The following PHACTR3 variants were observed in gnomAD, a reference collection of about 807,000 sequenced individuals.
The protein encoded by PHACTR3 is protein phosphatase 1, regulatory subunit 123.
In PHACTR3, 16 loss-of-function variants were observed where a neutral mutation model predicts 66.8. The observed-to-expected ratio is 0.24, with a 90% confidence interval of 0.16 to 0.36. The LOEUF (loss-of-function observed/expected upper bound fraction) is 0.36, where lower values mean the gene tolerates loss of function less well. PHACTR3 is among the 10% of genes least tolerant of loss of function. The pLI, the probability that PHACTR3 is intolerant of heterozygous loss-of-function variation, is 1.00. For missense variants in PHACTR3, 647 were observed against 719.9 expected (o/e 0.90, Z 1.16); for synonymous variants, 323 against 292.1 (o/e 1.11, Z -1.08).
At chr20:59,732,751 A>T (rs2038812834) in intron 1 of PHACTR3, among the ~76,000 whole-genome samples, 1 of 152,094 alleles carries the variant, frequency 6.6e-6, no homozygotes, top group Admixed American at 6.5e-5. Context: ...TTCTGCTTCC[A>T]TTTTTGTATC....
chr20:59,751,255 G>A (rs1367465390), intron 3 of PHACTR3, among the ~76,000 whole-genome samples: 6 of 152,174 alleles, frequency 3.9e-5, no homozygotes, highest in Non-Finnish European at 7.3e-5. Flanking sequence ...TGGCAGGGAC[G>A]AATCTGCAGC....
chr20:59,720,134 T>G (rs917051593), intron 1 of PHACTR3, among the ~76,000 whole-genome samples: 2 of 152,154 alleles, frequency 1.3e-5, no homozygotes, highest in South Asian at 2.1e-4. Flanking sequence ...CCAGTTACCT[T>G]GCGGTGTGGC....
Position 59,755,279 on chromosome 20 carries a change from C to A in PHACTR3, c.456C>A (p.Ala152=). 6.2e-7 allele frequency: 1 copy of A among 1,613,722 alleles called. No homozygotes were observed. Among genetic ancestry groups the A allele is most frequent in the African/African-American group, 1.3e-5 (1 of 75,060 alleles). The change falls in exon 4 of 13, where the codon GCC becomes GCA. Residue 152 remains alanine, a synonymous_variant. Coordinates refer to ENST00000371015, the MANE Select transcript of PHACTR3 (RefSeq NM_080672.5). Reference sequence around the variant, plus strand: ...CGGAGACGCTGACTTCAGAAGATGCCCAGCCCGGAAGCCCCTTGGCCACTG... The same window carrying A: ...CGGAGACGCTGACTTCAGAAGATGCACAGCCCGGAAGCCCCTTGGCCACTG... The part of the protein sequence containing the change: ...PKSETLTSED[A]QPGSPLATGT...
At chr20:59,603,255 C>T (rs1475135368), upstream of PHACTR3, among the ~76,000 whole-genome samples, 1 of 152,144 alleles carries the variant, frequency 6.6e-6, no homozygotes, top group Non-Finnish European at 1.5e-5. Flanking sequence ...CCGGAAGACT[C>T]AAGGAGTTGG....
intron 1 of PHACTR3, among the ~76,000 whole-genome samples, chr20:59,722,563 C>A (rs2146684399): frequency 6.6e-6 from 1 of 152,228 alleles, no homozygotes; most frequent in South Asian, 2.1e-4. Context: ...TGGGAGGATG[C>A]CCTGGAGGGT....
chr20:59,811,607 C>A (rs1454752582), intron 8 of PHACTR3, among the ~76,000 whole-genome samples: 2 of 151,036 alleles, frequency 1.3e-5, no homozygotes, highest in Non-Finnish European at 2.9e-5. Flanking sequence ...TGCAGTGAGC[C>A]AAGATCATGC....
At chr20:59,616,960 C>T (rs886432521) in intron 1 of PHACTR3, among the ~76,000 whole-genome samples, 3 of 152,080 alleles carry the variant, frequency 2.0e-5, no homozygotes, top group Non-Finnish European at 2.9e-5. Context: ...TTTCCCCGCT[C>T]GCTTCCCCGT....
chr20:59,629,236 CCAGTGG>C (rs1568944594), intron 1 of PHACTR3, among the ~76,000 whole-genome samples: 1 of 152,206 alleles, frequency 6.6e-6, no homozygotes, highest in Non-Finnish European at 1.5e-5. Flanking sequence ...CCACCATGCT[CCAGTGG>C]CAGGGGCAGC....
At chr20:59,758,274 G>A (rs930871952) in intron 4 of PHACTR3, among the ~76,000 whole-genome samples, 16 of 152,156 alleles carry the variant, frequency 1.1e-4, no homozygotes, top group African/African-American at 3.9e-4. Context: ...AATTAATAAT[G>A]AAAAAGTTTA....
chr20:59,738,037 C>T lies in PHACTR3; in HGVS notation c.119-5070C>T, dbSNP rs1466460186. On this transcript the variant is annotated intron_variant, in intron 1 of 12. Coordinates refer to ENST00000371015, the MANE Select transcript of PHACTR3 (RefSeq NM_080672.5). The surrounding 1 kb of genome is among the most constrained non-coding windows in gnomAD (Gnocchi z 4.4). ...CTGATTAAAATAGTGCAGGTAGTGA[C>T]GGTGGTCCTGGCAGTGATGGTGGTA... is the stretch of plus-strand genomic sequence containing the variant. Among the ~76,000 whole-genome samples, 6 of 152,058 alleles carry T rather than the reference C, an allele frequency of 3.9e-5. No individual in the cohort carries two copies. Among genetic ancestry groups the T allele is most frequent in the Admixed American group, 6.6e-5 (1 of 15,266 alleles).
At chr20:59,762,202 G>A (rs1053697771) in intron 4 of PHACTR3, among the ~76,000 whole-genome samples, 1 of 152,214 alleles carries the variant, frequency 6.6e-6, no homozygotes, top group Non-Finnish European at 1.5e-5. Flanking sequence ...CTTTGGAGGA[G>A]GGTTTTGGTC....
intron 7 of PHACTR3, among the ~76,000 whole-genome samples, chr20:59,786,543 G>T (rs1344321859): frequency 6.6e-6 from 1 of 152,190 alleles, no homozygotes; most frequent in Non-Finnish European, 1.5e-5. Context: ...ACTTCAACAG[G>T]TCAGGGTGGC....
intron 1 of PHACTR3, among the ~76,000 whole-genome samples, chr20:59,624,660 G>T (rs529862925): frequency 6.6e-6 from 1 of 152,172 alleles, no homozygotes; most frequent in South Asian, 2.1e-4. Context: ...GGCAACTCGG[G>T]TACCATTCTC....
At chr20:59,800,356 T>C (rs1370352355) in intron 7 of PHACTR3, among the ~76,000 whole-genome samples, 1 of 152,202 alleles carries the variant, frequency 6.6e-6, no homozygotes, top group Non-Finnish European at 1.5e-5. Flanking sequence ...GGTGATGAAA[T>C]CTTCCAGCTT....
intron 1 of PHACTR3, among the ~76,000 whole-genome samples, chr20:59,719,142 C>T (rs981061869): frequency 6.6e-6 from 1 of 152,076 alleles, no homozygotes; most frequent in Non-Finnish European, 1.5e-5. Flanking sequence ...CATGCTGGGG[C>T]GAAATTCCCT....
chr20:59,754,420 C>T (rs1047226065), intron 3 of PHACTR3, among the ~76,000 whole-genome samples: 8 of 152,196 alleles, frequency 5.3e-5, no homozygotes, highest in Admixed American at 2.6e-4. Flanking sequence ...CCTGGGCTCA[C>T]GGTGCCATGT....
intron 1 of PHACTR3, among the ~76,000 whole-genome samples, chr20:59,720,394 G>A (rs1340380067): frequency 6.6e-6 from 1 of 152,210 alleles, no homozygotes; most frequent in Non-Finnish European, 1.5e-5. Flanking sequence ...GGGCTCTTCT[G>A]TCTCTCAATT....
chr20:59,724,408 G>T (rs2038476219), intron 1 of PHACTR3, among the ~76,000 whole-genome samples: 1 of 152,168 alleles, frequency 6.6e-6, no homozygotes, highest in Admixed American at 6.5e-5. Context: ...AAGGCAGTTT[G>T]AGAGTAATGT....
At chr20:59,702,896 C>A (rs773308937) in intron 1 of PHACTR3, among the ~76,000 whole-genome samples, 4 of 152,162 alleles carry the variant, frequency 2.6e-5, no homozygotes, top group Admixed American at 6.5e-5. Flanking sequence ...GTTCTTGTAG[C>A]TTTTGCCTGA....
Sources: allele counts gnomAD v4.1 joint callset (sites outside exome capture counted in the v4.1 genomes callset), GRCh38; gene constraint gnomAD v4.1.1; non-coding constraint Gnocchi (gnomAD v3.1); transcripts MANE v1.5; gene names NCBI Gene and HGNC (gene_info 2026-07-23, HGNC 2026-07-21).